Variants in CLEC2A observed in about 807,000 individuals in gnomAD.
CLEC2A encodes the protein C-type lectin domain family 2 member A.
CLEC2A carries 19 observed loss-of-function variants against 18.6 expected under a neutral mutation model. That is an observed-to-expected ratio of 1.02 (90% CI 0.71 to 1.50). The LOEUF (loss-of-function observed/expected upper bound fraction) is 1.50, where lower values mean the gene tolerates loss of function less well. CLEC2A is among the 40% of genes most tolerant of loss of function. CLEC2A has a pLI of 0.00. For missense variants in CLEC2A, 190 were observed against 207.9 expected (o/e 0.91, Z 0.53); for synonymous variants, 74 against 64.0 (o/e 1.16, Z -0.75).
downstream of CLEC2A, among the ~76,000 whole-genome samples, chr12:9,897,396 A>C (rs1020585339): frequency 6.6e-6 from 1 of 152,052 alleles, no homozygotes; most frequent in African/African-American, 2.4e-5. Flanking sequence ...TTAAAGATTA[A>C]ATTTAATCTA....
At chr12:9,893,210 G>A in the CLEC2A span, 20 of 1,506,588 alleles carry the variant, frequency 1.3e-5, no homozygotes, top group Non-Finnish European at 1.8e-5. Flanking sequence ...AAGGAAAAAT[G>A]GCTTAGGTGC....
At chr12:9,899,611 T>C (rs1288984272) in intron 4 of CLEC2A, among the ~76,000 whole-genome samples, 1 of 152,186 alleles carries the variant, frequency 6.6e-6, no homozygotes, top group Non-Finnish European at 1.5e-5. Context: ...CCCGGTGACA[T>C]TGGCAGGTCC....
At chr12:9,888,706 C>T in the CLEC2A span, 1 of 1,339,180 alleles carries the variant, frequency 7.5e-7, no homozygotes, top group Non-Finnish European at 1.0e-6. Context: ...AAATGTTTCT[C>T]ATATCTTTTC....
intron 4 of CLEC2A, among the ~76,000 whole-genome samples, chr12:9,902,401 T>C (rs961717861): frequency 6.6e-6 from 1 of 151,808 alleles, no homozygotes; most frequent in African/African-American, 2.4e-5. Context: ...CCTGGTTAAT[T>C]TTTGAATTTG....
At chr12:9,893,347 G>A in the CLEC2A span, 2 of 816,554 alleles carry the variant, frequency 2.4e-6, no homozygotes, top group Non-Finnish European at 3.8e-6. Flanking sequence ...TTTTATTAAT[G>A]CCGGCACAGA....
Position 9,922,110 on chromosome 12 carries a change from A to C in CLEC2A, c.262T>G (p.Leu88Val). 2 of 1,550,558 alleles carry C rather than the reference A, an allele frequency of 1.3e-6. No individual in the cohort carries two copies. The highest frequency in any genetic ancestry group is 1.7e-6 in the Non-Finnish European group (2 of 1,146,460). Residue 88 changes from leucine (L) to valine (V), a missense_variant, in exon 3 of 5, where the codon TTG (leucine) becomes GTG (valine). Coordinates refer to ENST00000455827, the MANE Select transcript of CLEC2A (RefSeq NM_001130711.2). ...NWTASKIFCS[L>V]QKAELAQIDT... ...ATCTGAGCAAGTTCTGCTTTCTGCA[A>C]ACTACAAAATATTTTACTGGCTGTC...
chr12:9,926,918 C>G (rs938555096), intron 1 of CLEC2A, among the ~76,000 whole-genome samples: 1 of 152,008 alleles, frequency 6.6e-6, no homozygotes, highest in South Asian at 2.1e-4. Context: ...ATTTGACACT[C>G]GTGGAAATGC....
intron 3 of CLEC2A, among the ~76,000 whole-genome samples, chr12:9,920,957 A>C (rs1331777693): frequency 6.6e-6 from 1 of 152,216 alleles, no homozygotes; most frequent in Non-Finnish European, 1.5e-5. Context: ...AAGAACATTT[A>C]ACGAAGACAT....
the CLEC2A span, among the ~76,000 whole-genome samples, chr12:9,887,472 G>A: frequency 6.6e-6 from 1 of 152,268 alleles, no homozygotes; most frequent in East Asian, 1.9e-4. Context: ...TTTTAACTTA[G>A]ATTTGAAACA....
the CLEC2A span, among the ~76,000 whole-genome samples, chr12:9,885,731 T>G: frequency 6.6e-6 from 1 of 152,170 alleles, no homozygotes; most frequent in South Asian, 2.1e-4. Flanking sequence ...TATATCCTAC[T>G]TAATGTATTT....
At chr12:9,910,118 C>G (rs1165383817), downstream of CLEC2A, among the ~76,000 whole-genome samples, 1 of 152,140 alleles carries the variant, frequency 6.6e-6, no homozygotes, top group Non-Finnish European at 1.5e-5. Context: ...TTCACTGGAC[C>G]CAAATTTTGG....
chr12:9,896,860 T>A, downstream of CLEC2A, among the ~76,000 whole-genome samples: 1 of 131,428 alleles, frequency 7.6e-6, no homozygotes, highest in African/African-American at 3.2e-5. Context: ...GTCTCTTAAT[T>A]TTTTTTTTTT....
chr12:9,919,839 T>C (rs1863135657), intron 3 of CLEC2A, among the ~76,000 whole-genome samples: 1 of 152,072 alleles, frequency 6.6e-6, no homozygotes, highest in Admixed American at 6.5e-5. Context: ...GGGAGGTACA[T>C]AGCTATTACC....
At chr12:9,926,205 C>T (rs1863269056) in intron 2 of CLEC2A, 55 bp downstream of exon 2, 2 of 1,057,464 alleles carry the variant, frequency 1.9e-6, no homozygotes, top group Admixed American at 4.1e-5. Flanking sequence ...TTGAGATATA[C>T]ATGGACCCTT....
intron 2 of CLEC2A, among the ~76,000 whole-genome samples, chr12:9,923,717 G>A (rs1863213259): frequency 1.3e-5 from 2 of 152,236 alleles, no homozygotes; most frequent in African/African-American, 4.8e-5. Context: ...AGAAAATGTG[G>A]CACATATACA....
At chr12:9,907,451 G>C (rs1081390) in intron 4 of CLEC2A, among the ~76,000 whole-genome samples, 372 of 152,270 alleles carry the variant, frequency 2.4e-3, no homozygotes, top group Middle Eastern at 6.8e-3. Flanking sequence ...TGCTTAGTTT[G>C]AGGCAAAGGT....
chr12:9,904,533 G>A (rs1591785213), intron 4 of CLEC2A, among the ~76,000 whole-genome samples: 1 of 152,196 alleles, frequency 6.6e-6, no homozygotes, highest in Non-Finnish European at 1.5e-5. Context: ...TGGTTCTAGA[G>A]ATGGGAGGAG....
the CLEC2A span, chr12:9,881,352 G>C: frequency 2.0e-5 from 8 of 404,196 alleles, no homozygotes; most frequent in Admixed American, 4.1e-5. Context: ...GAACACACTA[G>C]CTACCTTTAC....
intron 3 of CLEC2A, 71 bp downstream of exon 3, chr12:9,921,995 G>T: frequency 8.3e-7 from 1 of 1,205,206 alleles, no homozygotes; most frequent in Non-Finnish European, 1.2e-6. Context: ...TATAGTATTA[G>T]CTATTATTGT....
Sources: allele counts gnomAD v4.1 joint callset (sites outside exome capture counted in the v4.1 genomes callset), GRCh38; gene constraint gnomAD v4.1.1; transcripts MANE v1.5; gene names NCBI Gene and HGNC (gene_info 2026-07-23, HGNC 2026-07-21).